VIRMA: variants seen among roughly 807,000 people sequenced by gnomAD.
VIRMA encodes the protein protein virilizer homolog.
VIRMA carries 65 observed loss-of-function variants against 182.4 expected under a neutral mutation model. The ratio of observed to expected loss-of-function variants is 0.36; its 90% CI spans 0.29 to 0.44. The LOEUF is 0.44. Among genes scored for constraint, VIRMA ranks in the 20% least tolerant of loss-of-function variants. The pLI is 1.00. For synonymous variants in VIRMA, 709 were observed against 743.1 expected, an observed-to-expected ratio of 0.95 and a Z score of 0.75; for missense variants, 1,752 against 2,158.1, an observed-to-expected ratio of 0.81 and a Z score of 3.73.
chr8:94,492,048 G>T, intron 21 of VIRMA, 139 bp from the exon 22 acceptor site: 3 of 573,516 alleles, frequency 5.2e-6, no homozygotes, highest in Non-Finnish European at 8.7e-6. Context: ...CATACTTCTG[G>T]GATAATATAA....
At chr8:94,544,382 A>G (rs1815685151) in intron 1 of VIRMA, among the ~76,000 whole-genome samples, 1 of 152,130 alleles carries the variant, frequency 6.6e-6, no homozygotes, top group South Asian at 2.1e-4. Flanking sequence ...CACACTAAAT[A>G]AAGATTATGG....
rs766186552 is a variant in VIRMA, at chr8:94,537,176, T to C, written c.267-25A>G. ...GCTGTCAAGAGAGTAGAAATAAATA[T>C]GTAAGCTCAAACACTGAACATCACA... is the stretch of plus-strand genomic sequence containing the variant. On this transcript the variant is annotated intron_variant, in intron 3 of 23. Coordinates refer to ENST00000297591, the MANE Select transcript of VIRMA (RefSeq NM_015496.5). The C allele has an allele frequency of 4.0e-6, 6 of 1,485,186 alleles. No homozygotes were observed. The African/African-American group carries it at 4.1e-5, about 10-fold the overall frequency. 92.0% of individuals were successfully genotyped at this position (1,485,186 alleles called of 1,614,324 possible).
Position 94,490,096 on chromosome 8 carries a change from G to A in VIRMA, c.5141-14C>T. The stretch of plus-strand genomic sequence containing the variant: ...GACTGTAGTTTCCTAAACACAAACA[G>A]CACAATCAAAATCACTTTTTTCACA... On this transcript the variant is annotated splice_polypyrimidine_tract_variant and intron_variant, in intron 22 of 23. Coordinates refer to ENST00000297591, the MANE Select transcript of VIRMA (RefSeq NM_015496.5). 1 of 1,585,924 alleles carries A rather than the reference G, an allele frequency of 6.3e-7. No homozygotes were observed.
At chr8:94,518,316 C>T (rs545236023) in intron 9 of VIRMA, among the ~76,000 whole-genome samples, 2 of 152,286 alleles carry the variant, frequency 1.3e-5, no homozygotes, top group East Asian at 3.9e-4. Flanking sequence ...GTATGATCAC[C>T]TGCCTTCAAC....
chr8:94,521,033 T>G (rs532128273), intron 8 of VIRMA, among the ~76,000 whole-genome samples: 1 of 108,402 alleles, frequency 9.2e-6, no homozygotes, highest in African/African-American at 3.7e-5. Context: ...AAAATCTACT[T>G]TTTTATCTCT....
At chr8:94,542,969 C>T (rs746664735) in intron 2 of VIRMA, among the ~76,000 whole-genome samples, 16 of 151,988 alleles carry the variant, frequency 1.1e-4, no homozygotes, top group African/African-American at 1.4e-4. Flanking sequence ...AGTGCAATGA[C>T]GCAATCTCAG....
intron 10 of VIRMA, among the ~76,000 whole-genome samples, chr8:94,517,579 G>A (rs532086820): frequency 2.6e-5 from 4 of 152,008 alleles, no homozygotes; most frequent in Admixed American, 1.3e-4. Context: ...TTCCAGAAAA[G>A]GTACTTGTAA....
chr8:94,550,843 C>T (rs372940372), intron 1 of VIRMA, among the ~76,000 whole-genome samples: 39 of 152,100 alleles, frequency 2.6e-4, no homozygotes, highest in African/African-American at 8.2e-4. Context: ...CTCAGCCTTC[C>T]GAGTAGCTGG....
At chr8:94,497,683 T>C (rs1323641344) in intron 17 of VIRMA, 1 of 151,940 alleles carries the variant, frequency 6.6e-6, no homozygotes, top group Non-Finnish European at 1.5e-5. Flanking sequence ...ATTACAGGAG[T>C]GAGCCACCAT....
intron 16 of VIRMA, among the ~76,000 whole-genome samples, chr8:94,501,255 CAAAAAAAAAA>C (rs55726504): frequency 2.7e-5 from 2 of 72,866 alleles, no homozygotes; most frequent in Non-Finnish European, 5.0e-5. Flanking sequence ...GATTCCATCT[CAAAAAAAAAA>C]AAAAAAAAAA....
chr8:94,512,598 G>A (rs1358860637), intron 11 of VIRMA: 3 of 152,220 alleles, frequency 2.0e-5, no homozygotes, highest in Non-Finnish European at 4.4e-5. Context: ...GCAACATAGT[G>A]AGACCCTGCC....
chr8:94,489,150 A>T (rs1453757687), intron 23 of VIRMA, among the ~76,000 whole-genome samples: 4 of 152,068 alleles, frequency 2.6e-5, no homozygotes, highest in Admixed American at 6.6e-5. Context: ...AAATGTTTTA[A>T]AAAAAAAGGT....
At position 94,488,865 on chromosome 8, in the gene VIRMA, AAAAG is replaced by A; in HGVS notation, c.5285-9_5285-6del. ...CCCGAGGACTTGGGCGGTAACCTGTAAAAGAAAGAATACAGTTTTTAGTTCCAAT... is the reference window on the plus strand; with the variant it reads ...CCCGAGGACTTGGGCGGTAACCTGTAAAAGAATACAGTTTTTAGTTCCAAT... On this transcript the variant is annotated splice_polypyrimidine_tract_variant and splice_region_variant and intron_variant, in intron 23 of 23. Coordinates refer to ENST00000297591, the MANE Select transcript of VIRMA (RefSeq NM_015496.5). 6.2e-7 allele frequency: 1 copy of A among 1,610,906 alleles called. No individual in the cohort carries two copies. Among genetic ancestry groups the A allele is most frequent in the Non-Finnish European group, 8.5e-7 (1 of 1,178,288 alleles).
chr8:94,499,345 TACACAAACACAAAC>T lies in VIRMA; in HGVS notation c.4230+15_4230+28del, dbSNP rs1813891598. The T allele has an allele frequency of 6.8e-7, 1 of 1,465,462 alleles. No homozygotes were observed. Among genetic ancestry groups the T allele is most frequent in the South Asian group, 1.2e-5 (1 of 80,622 alleles). 90.8% of individuals were successfully genotyped at this position (1,465,462 alleles called of 1,614,324 possible). A position where few individuals can be genotyped will look rare whatever the true frequency, so the allele number is the denominator to read the frequency against. ...AACACCAAATACATACATACATATA[TACACAAACACAAAC>T]ACACACATACTTACAATTGTGTCAG... On this transcript the variant is annotated intron_variant, in intron 17 of 23. Transcript: ENST00000297591.
At position 94,531,003 on chromosome 8, in the gene VIRMA, A is replaced by G; in HGVS notation, c.567T>C (p.Pro189=). The G allele has an allele frequency of 2.5e-6, 4 of 1,604,102 alleles. No individual in the cohort carries two copies. Among genetic ancestry groups the G allele is most frequent in the East Asian group, 2.3e-5 (1 of 43,592 alleles). The change falls in exon 6 of 24, where the codon CCT becomes CCC. Residue 189 remains proline (P), a synonymous_variant. Coordinates refer to ENST00000297591, the MANE Select transcript of VIRMA (RefSeq NM_015496.5). ...PRGPRTPPGP[P]PPDDDEDDPV... The stretch of plus-strand genomic sequence containing the variant: ...GATCATCTTCATCATCATCAGGTGG[A>G]GGGGGTCCTGGAGGAGTTCTTGGTC...
chr8:94,511,058 A>C (rs1166457117), intron 13 of VIRMA, 127 bp downstream of exon 13: 31 of 1,442,624 alleles, frequency 2.1e-5, no homozygotes, highest in Non-Finnish European at 2.7e-5. Context: ...TCTCCCCCTC[A>C]TCCGGTTATT....
At chr8:94,510,005 T>A (rs1270253341) in intron 14 of VIRMA, 65 bp from the exon 15 acceptor site, 3 of 1,413,878 alleles carry the variant, frequency 2.1e-6, no homozygotes, top group Non-Finnish European at 2.9e-6. Context: ...TTAACTAGTA[T>A]TTATTTCTCA....
Position 94,496,367 on chromosome 8 carries a change from A to G in VIRMA, c.4344T>C (p.Ser1448=). Residue 1448 remains serine (S), a synonymous_variant, in exon 18 of 24, where the codon AGT becomes AGC. Transcript: ENST00000297591. ...CTAGTTCAAGGAACAAATTTTCTGG[A>G]CTTTCTTCTTTGCTTTGTAGAAGCT... The part of the protein sequence containing the change: ...LKQLLQSKEE[S]PENLFLELEK... 6.2e-7 allele frequency: 1 copy of G among 1,612,860 alleles called. No individual in the cohort carries two copies. The highest frequency in any genetic ancestry group is 8.5e-7 in the Non-Finnish European group (1 of 1,179,662).
At chr8:94,528,303 C>A (rs191897312) in intron 7 of VIRMA, among the ~76,000 whole-genome samples, 1 of 147,206 alleles carries the variant, frequency 6.8e-6, no homozygotes, top group Non-Finnish European at 1.5e-5. Context: ...TTGCCAAATA[C>A]AATAAATCTA....
Sources: gnomAD v4.1 joint callset for allele counts (sites outside exome capture counted in the v4.1 genomes callset) on GRCh38, gnomAD v4.1.1 for gene constraint, MANE v1.5 for transcripts, NCBI Gene and HGNC (gene_info 2026-07-23, HGNC 2026-07-21) for gene names.